Variants in RPS6KA3 observed in about 807,000 individuals in gnomAD.
RPS6KA3 encodes ribosomal protein S6 kinase alpha-3.
Under a neutral mutation model 67.2 loss-of-function variants are expected in RPS6KA3, and 4 were observed. That is an observed-to-expected ratio of 0.06 (90% CI 0.03 to 0.14). The LOEUF (loss-of-function observed/expected upper bound fraction) is 0.14, where lower values mean the gene tolerates loss of function less well. Ranked by LOEUF, RPS6KA3 falls within the 10% of genes least tolerant of loss-of-function variation. RPS6KA3 has a pLI of 1.00. For synonymous variants in RPS6KA3, 182 were observed against 183.7 expected, an observed-to-expected ratio of 0.99 and a Z score of 0.07; for missense variants, 204 against 559.0, an observed-to-expected ratio of 0.36 and a Z score of 6.40.
intron 1 of RPS6KA3, among the ~76,000 whole-genome samples, chrX:20,251,625 T>C (rs1033395980): frequency 1.4e-4 from 16 of 113,269 alleles, no homozygotes; most frequent in African/African-American, 5.1e-4. Context: ...TATTTTACTT[T>C]TTCAATTGTC....
intron 1 of RPS6KA3, among the ~76,000 whole-genome samples, chrX:20,266,352 C>T (rs2070384100): frequency 9.0e-6 from 1 of 111,684 alleles, no homozygotes; most frequent in South Asian, 3.8e-4. Flanking sequence ...CTGGCAGCCC[C>T]CCGAGCGAGG....
intron 3 of RPS6KA3, among the ~76,000 whole-genome samples, chrX:20,204,456 A>G (rs2068523433): frequency 8.9e-6 from 1 of 112,542 alleles, no homozygotes; most frequent in African/African-American, 3.2e-5. Context: ...TGCTTTTAAC[A>G]AAACAGAATT....
At chrX:20,260,279 T>C (rs914588023) in intron 1 of RPS6KA3, among the ~76,000 whole-genome samples, 3 of 111,915 alleles carry the variant, frequency 2.7e-5, no homozygotes, top group Non-Finnish European at 3.8e-5. Context: ...CTATATTTCA[T>C]TGATTAAAAG....
rs201546158 is a variant in RPS6KA3, at chrX:20,162,699, G to GGT, written c.1841+263_1841+264dup. On this transcript the variant is annotated intron_variant, in intron 19 of 21. Transcript: ENST00000379565. ...TTTCTACAAATTAAGAAATCAGGCAGGTGTGGTGGTGCACTCCTGTAGTCC... is the reference window on the plus strand; with the variant it reads ...TTTCTACAAATTAAGAAATCAGGCAGGTGTGTGGTGGTGCACTCCTGTAGTCC... Among the ~76,000 whole-genome samples the GGT allele has an allele frequency of 2.7e-3, 301 of 110,342 alleles. 2 individuals carry two copies. Among genetic ancestry groups the GGT allele is most frequent in the African/African-American group, 9.4e-3 (285 of 30,281 alleles).
chrX:20,262,675 T>C (rs185307668), intron 1 of RPS6KA3, among the ~76,000 whole-genome samples: 2 of 111,633 alleles, frequency 1.8e-5, no homozygotes, highest in African/African-American at 3.2e-5. Flanking sequence ...TACTTGACAG[T>C]TGACATGTAA....
At chrX:20,190,200 T>A (rs1005665325) in intron 7 of RPS6KA3, among the ~76,000 whole-genome samples, 9 of 112,002 alleles carry the variant, frequency 8.0e-5, no homozygotes, top group African/African-American at 2.9e-4. Flanking sequence ...AAAAGTCAAC[T>A]GTATCACTCT....
intron 2 of RPS6KA3, among the ~76,000 whole-genome samples, chrX:20,215,666 T>C (rs757841556): frequency 9.0e-6 from 1 of 111,678 alleles, no homozygotes; most frequent in Admixed American, 9.5e-5. Flanking sequence ...TAGAAATGAA[T>C]CTAAGGTTCA....
At position 20,204,005 on chromosome X, in the gene RPS6KA3, A is replaced by G. The variant is rs764491155; in HGVS notation, c.325+17T>C. The G allele has an allele frequency of 3.4e-6, 4 of 1,161,581 alleles. No individual in the cohort carries two copies. The East Asian group carries it at 1.2e-4, about 35-fold the overall frequency. ...TGTTTAGACTACATGAACATTACAA[A>G]TAGCAGCAACACTTACCTTTCAGTG... On this transcript the variant is annotated intron_variant, in intron 4 of 21. Transcript: ENST00000379565.
At chrX:20,237,123 T>C (rs1386125120) in intron 1 of RPS6KA3, among the ~76,000 whole-genome samples, 1 of 111,786 alleles carries the variant, frequency 8.9e-6, no homozygotes, top group Non-Finnish European at 1.9e-5. Context: ...GTCTGGCACT[T>C]AGTAAACAAT....
chrX:20,222,751 A>T (rs777213528), intron 2 of RPS6KA3, among the ~76,000 whole-genome samples: 1 of 112,041 alleles, frequency 8.9e-6, no homozygotes, highest in South Asian at 3.7e-4. Context: ...CGGTATCATT[A>T]GTTTAATAAC....
chrX:20,249,573 T>A (rs1360908540), intron 1 of RPS6KA3, among the ~76,000 whole-genome samples: 1 of 112,080 alleles, frequency 8.9e-6, no homozygotes, highest in Non-Finnish European at 1.9e-5. Flanking sequence ...CATCTTTTCA[T>A]ATGCTTATCT....
chrX:20,245,209 C>A (rs1417241308), intron 1 of RPS6KA3, among the ~76,000 whole-genome samples: 1 of 112,010 alleles, frequency 8.9e-6, no homozygotes, highest in Admixed American at 9.4e-5. Flanking sequence ...GCTCTCCCAG[C>A]TTGAAAGTTT....
chrX:20,197,753 T>C (rs1016447799), intron 4 of RPS6KA3, among the ~76,000 whole-genome samples: 2 of 111,820 alleles, frequency 1.8e-5, no homozygotes, highest in African/African-American at 6.5e-5. Flanking sequence ...TTCTAAATCA[T>C]CCTACCATGA....
intron 2 of RPS6KA3, among the ~76,000 whole-genome samples, chrX:20,234,152 C>T (rs1434716467): frequency 8.9e-6 from 1 of 112,339 alleles, no homozygotes; most frequent in Non-Finnish European, 1.9e-5. Flanking sequence ...AACAAATTTA[C>T]GTTCAATTTG....
chrX:20,155,983 G>C (rs2067178901), intron 21 of RPS6KA3, 126 bp downstream of exon 21: 1 of 770,825 alleles, frequency 1.3e-6, no homozygotes, highest in Admixed American at 2.2e-5. Flanking sequence ...GTCACCCACT[G>C]TAAGAGAATC....
chrX:20,210,354 TATA>T lies in RPS6KA3; in HGVS notation c.127-953_127-951del, dbSNP rs199889848. On this transcript the variant is annotated intron_variant, in intron 2 of 21. Coordinates refer to ENST00000379565, the MANE Select transcript of RPS6KA3 (RefSeq NM_004586.3). Reference sequence around the variant, plus strand: ...AGACTAGCATTTCTATTTTGTTGACTATAATGTTATTTTTTTCTAGGTGCGTAA... The same window carrying T: ...AGACTAGCATTTCTATTTTGTTGACTATGTTATTTTTTTCTAGGTGCGTAA... Among the ~76,000 whole-genome samples the T allele has an allele frequency of 2.6e-3, 294 of 112,240 alleles. 1 individual carries two copies. The highest frequency in any genetic ancestry group is 9.0e-3 in the African/African-American group (278 of 30,940).
intron 1 of RPS6KA3, among the ~76,000 whole-genome samples, 156 bp downstream of exon 1, chrX:20,266,408 T>C (rs370299533): frequency 1.4e-4 from 16 of 110,567 alleles, no homozygotes; most frequent in African/African-American, 4.9e-4. Flanking sequence ...GACCGGCCAA[T>C]AGACCCACCC....
intron 1 of RPS6KA3, among the ~76,000 whole-genome samples, chrX:20,246,122 G>GAAAAA (rs5901672): frequency 1.7e-4 from 9 of 52,825 alleles, no homozygotes; most frequent in Non-Finnish European, 1.5e-4. Context: ...TCTCGGAAAA[G>GAAAAA]AAAAAAAAAA....
chrX:20,264,400 C>A (rs2070317535), intron 1 of RPS6KA3, among the ~76,000 whole-genome samples: 1 of 112,060 alleles, frequency 8.9e-6, no homozygotes, highest in African/African-American at 3.2e-5. Context: ...CTTATTTATA[C>A]CCCGAATTTT....
Sources: gnomAD v4.1 joint callset for allele counts (sites outside exome capture counted in the v4.1 genomes callset) on GRCh38, gnomAD v4.1.1 for gene constraint, MANE v1.5 for transcripts, NCBI Gene and HGNC (gene_info 2026-07-23, HGNC 2026-07-21) for gene names.